Variants in ZKSCAN5 observed in about 807,000 individuals in gnomAD.
ZKSCAN5 encodes zinc finger with KRAB and SCAN domains 5, also known as zinc finger protein with KRAB and SCAN domains 5.
A neutral mutation model predicts 60.0 loss-of-function variants in ZKSCAN5; 28 were observed. The observed-to-expected ratio is 0.47, with a 90% CI of 0.35 to 0.64. The LOEUF (loss-of-function observed/expected upper bound fraction) is 0.64. Ranked by LOEUF, ZKSCAN5 falls within the 30% of genes least tolerant of loss-of-function variation. The probability of loss-of-function intolerance (pLI) is 0.01; values close to 1 mark genes in which losing one functional copy is unlikely to be tolerated. For missense variants in ZKSCAN5, 881 were observed against 1,034.6 expected (o/e 0.85, Z 2.04); for synonymous variants, 361 against 371.2 (o/e 0.97, Z 0.31).
intron 2 of ZKSCAN5, among the ~76,000 whole-genome samples, chr7:99,511,114 T>C (rs554376548): frequency 5.5e-4 from 83 of 152,266 alleles, no homozygotes; most frequent in African/African-American, 2.0e-3. Context: ...AAAAAAGTGC[T>C]TTGAAATGTA....
Position 99,533,573 on chromosome 7 carries a change from G to A in ZKSCAN5, c.*1324G>A, listed in dbSNP as rs1802146193. 5 of 412,526 alleles carry A rather than the reference G, an allele frequency of 1.2e-5. No homozygotes were observed. The East Asian group carries it at 1.4e-4, about 11-fold the overall frequency. The allele number at this position is 412,526 out of a possible 1,614,324, so 25.6% of individuals were successfully genotyped here. A position where few individuals can be genotyped will look rare whatever the true frequency, so the allele number is the denominator to read the frequency against. ...TCACAGCTCTTGTTCTCCAGAAACT[G>A]GAGAATTGCCCTCAGGAGATGAGAG... is the stretch of plus-strand genomic sequence containing the variant. On this transcript the variant is annotated 3_prime_UTR_variant, in exon 7 of 7. Coordinates refer to ENST00000326775, the MANE Select transcript of ZKSCAN5 (RefSeq NM_145102.4).
chr7:99,512,432 G>A (rs972087076), intron 2 of ZKSCAN5, 21 bp from the exon 3 acceptor site: 37 of 1,611,216 alleles, frequency 2.3e-5, no homozygotes, highest in Admixed American at 3.4e-5. Context: ...TGTACTGATC[G>A]GTTTTGGTTG....
At chr7:99,522,239 A>G (rs1801567256) in intron 5 of ZKSCAN5, among the ~76,000 whole-genome samples, 3 of 152,296 alleles carry the variant, frequency 2.0e-5, no homozygotes, top group East Asian at 1.9e-4. Context: ...CAAAGAAAGT[A>G]CCCATCAGAT....
In ZKSCAN5 at chr7:99,532,396, C is replaced by T; in HGVS notation, c.*147C>T. 1.5e-6 allele frequency: 1 copy of T among 658,782 alleles called. No homozygotes were observed. The highest frequency in any genetic ancestry group is 2.4e-6 in the Non-Finnish European group (1 of 424,268). The allele number at this position is 658,782 out of a possible 1,614,324, so 40.8% of individuals were successfully genotyped here. On this transcript the variant is annotated 3_prime_UTR_variant, in exon 7 of 7. Transcript: ENST00000326775. ...TTAGTTATAACTCAGCCTTTAGGAA[C>T]ACCGGAGAACCCACAATAATAGAAA...
Position 99,526,157 on chromosome 7 carries a change from C to T in ZKSCAN5, c.1117C>T (p.Pro373Ser). The part of the protein sequence containing the change: ...QHRRIHTGEK[P>S]FKCGECGKSY... ...TCGGCGCATCCACACTGGAGAAAAA[C>T]CGTTTAAGTGCGGAGAATGTGGGAA... is the stretch of plus-strand genomic sequence containing the variant. The change falls in exon 6 of 7, where the codon CCG (proline) becomes TCG (serine). Residue 373 changes from proline (P) to serine (S), a missense_variant. Physicochemically the swap from Pro to Ser is moderately conservative, Grantham distance 74 (BLOSUM62 -1). Transcript: ENST00000326775. 6.2e-7 allele frequency: 1 copy of T among 1,614,218 alleles called. No homozygotes were observed. Among genetic ancestry groups the T allele is most frequent in the Non-Finnish European group, 8.5e-7 (1 of 1,180,048 alleles).
chr7:99,526,175 T>C lies in ZKSCAN5; in HGVS notation c.1135T>C (p.Cys379Arg). The part of the protein sequence containing the change: ...TGEKPFKCGE[C>R]GKSYNQRVHL... ...AGAAAAACCGTTTAAGTGCGGAGAA[T>C]GTGGGAAGAGCTACAATCAGCGGGT... The change falls in exon 6 of 7, where the codon TGT (cysteine) becomes CGT (arginine). Residue 379 changes from cysteine to arginine, a missense_variant. Cys to Arg is a radical substitution (Grantham distance 180, BLOSUM62 -3). Coordinates refer to ENST00000326775, the MANE Select transcript of ZKSCAN5 (RefSeq NM_145102.4). 1.2e-6 allele frequency: 2 copies of C among 1,614,180 alleles called. No homozygotes were observed. Among genetic ancestry groups the C allele is most frequent in the Non-Finnish European group, 1.7e-6 (2 of 1,180,034 alleles).
At position 99,525,123 on chromosome 7, in the gene ZKSCAN5, G is replaced by A. The variant is rs183774807; in HGVS notation, c.773-690G>A. ...AGAGGTTGCAGTCAGCCGAGATCGC[G>A]CCACTGCACTCCAGCCTGGGTGGCA... On this transcript the variant is annotated intron_variant, in intron 5 of 6. Coordinates refer to ENST00000326775, the MANE Select transcript of ZKSCAN5 (RefSeq NM_145102.4). Among the ~76,000 whole-genome samples the A allele has an allele frequency of 4.4e-4, 66 of 150,836 alleles. No individual in the cohort carries two copies. The East Asian group carries it at 0.012, about 26-fold the overall frequency.
Position 99,531,612 on chromosome 7 carries a change from G to T in ZKSCAN5, c.1883G>T (p.Ser628Ile). Residue 628 changes from serine to isoleucine, a missense_variant, in exon 7 of 7, where the codon AGT becomes ATT. This residue lies in a region of ZKSCAN5 where 112 missense variants were observed against 182.4 expected (regional missense o/e 0.61). Transcript: ENST00000326775. ...CTTGTTCAGCATCAGAGCGTGCACA[G>T]TGGGGAGAGACCCTTCAAGTGTAAC... is the stretch of plus-strand genomic sequence containing the variant. Reference protein sequence around the residue: ...SHLVQHQSVHSGERPFKCNEC... With the variant: ...SHLVQHQSVHIGERPFKCNEC... The T allele has an allele frequency of 6.2e-7, 1 of 1,614,216 alleles. No homozygotes were observed. Among genetic ancestry groups the T allele is most frequent in the Non-Finnish European group, 8.5e-7 (1 of 1,180,044 alleles).
At chr7:99,522,390 A>G (rs1801575385) in intron 5 of ZKSCAN5, among the ~76,000 whole-genome samples, 1 of 152,152 alleles carries the variant, frequency 6.6e-6, no homozygotes, top group Non-Finnish European at 1.5e-5. Context: ...ATTGTAGATG[A>G]ATGTAAGGAC....
intron 2 of ZKSCAN5, among the ~76,000 whole-genome samples, chr7:99,510,514 G>A (rs927931842): frequency 6.6e-5 from 10 of 151,456 alleles, no homozygotes; most frequent in Non-Finnish European, 4.4e-5. Context: ...GCACGATCTC[G>A]GCTCACTGCA....
chr7:99,526,332 G>A lies in ZKSCAN5; in HGVS notation c.1292G>A (p.Gly431Asp), dbSNP rs775151553. The A allele has an allele frequency of 6.2e-7, 1 of 1,609,342 alleles. No individual in the cohort carries two copies. Among genetic ancestry groups the A allele is most frequent in the Non-Finnish European group, 8.5e-7 (1 of 1,180,024 alleles). The change falls in exon 6 of 7, where the codon GGC (glycine) becomes GAC (aspartate). Residue 431 changes from glycine to aspartate, a missense_variant. This residue lies in a region of ZKSCAN5 where 490 missense variants were observed against 554.5 expected (regional missense o/e 0.88). Coordinates refer to ENST00000326775, the MANE Select transcript of ZKSCAN5 (RefSeq NM_145102.4). ...HSVHSGERPY[G>D]CNECGKNFGR... ...GTCCACAGCGGAGAGAGGCCCTATG[G>A]CTGCAATGAGTGTGGGAAGAACTTC...
intron 2 of ZKSCAN5, among the ~76,000 whole-genome samples, chr7:99,509,702 G>A (rs1025173158): frequency 4.6e-5 from 7 of 151,980 alleles, no homozygotes; most frequent in Non-Finnish European, 1.0e-4. Context: ...TCCTGACTTC[G>A]TGATCTGCCC....
intron 2 of ZKSCAN5, among the ~76,000 whole-genome samples, chr7:99,510,335 T>C (rs1800961401): frequency 6.6e-6 from 1 of 152,044 alleles, no homozygotes; most frequent in South Asian, 2.1e-4. Context: ...TGCCTCCGGG[T>C]TGATTCTCCT....
At position 99,534,018 on chromosome 7, in the gene ZKSCAN5, T is replaced by C. The variant is rs1291078664; in HGVS notation, c.*1769T>C. ...GTCCAGTCACTAAGTCATTCACTTG[T>C]GGGGAACTGGGATGAGATACAGGTG... On this transcript the variant is annotated 3_prime_UTR_variant, in exon 7 of 7. Transcript: ENST00000326775. 5.9e-6 allele frequency: 1 copy of C among 170,014 alleles called. No homozygotes were observed. The highest frequency in any genetic ancestry group is 2.4e-5 in the African/African-American group (1 of 42,182). 10.5% of individuals were successfully genotyped at this position (170,014 alleles called of 1,614,324 possible).
intron 5 of ZKSCAN5, among the ~76,000 whole-genome samples, chr7:99,525,336 G>A: frequency 6.6e-6 from 1 of 151,678 alleles, no homozygotes; most frequent in East Asian, 1.9e-4. Context: ...GCTGAGCATG[G>A]TGGTGTGCAA....
rs527493885 is a variant in ZKSCAN5 at position 99,511,553 on chromosome 7, G to A, written c.415-900G>A. Among the ~76,000 whole-genome samples the A allele has an allele frequency of 1.1e-4, 16 of 150,634 alleles. 1 individual carries two copies. The South Asian group carries it at 2.5e-3, about 24-fold the overall frequency. On this transcript the variant is annotated intron_variant, in intron 2 of 6. Coordinates refer to ENST00000326775, the MANE Select transcript of ZKSCAN5 (RefSeq NM_145102.4). ...GACCTCCTGGGCTCAAGCGATCCTCGCACCTCAGCCTCCTAAGTAGCTGGG... is the reference window on the plus strand; with the variant it reads ...GACCTCCTGGGCTCAAGCGATCCTCACACCTCAGCCTCCTAAGTAGCTGGG...
chr7:99,518,876 A>G (rs1381952963), intron 3 of ZKSCAN5, among the ~76,000 whole-genome samples: 3 of 151,342 alleles, frequency 2.0e-5, no homozygotes, highest in Non-Finnish European at 4.4e-5. Flanking sequence ...AGGTTTCACC[A>G]TATTGGCCAG....
In ZKSCAN5 at chr7:99,533,763, T is replaced by C. The variant is rs1802152508; in HGVS notation, c.*1514T>C. ...CATCCGTGCTAAGCTCTCTCCCTTC[T>C]CTATCCTGTTTCATTCCCTCCCTCA... is the stretch of plus-strand genomic sequence containing the variant. On this transcript the variant is annotated 3_prime_UTR_variant, in exon 7 of 7. Transcript: ENST00000326775. The C allele has an allele frequency of 7.5e-6, 3 of 397,792 alleles. No homozygotes were observed. The East Asian group carries it at 1.1e-4, about 14-fold the overall frequency. 24.6% of individuals were successfully genotyped at this position (397,792 alleles called of 1,614,324 possible).
intron 3 of ZKSCAN5, among the ~76,000 whole-genome samples, chr7:99,517,430 C>T (rs1190139365): frequency 6.6e-6 from 1 of 151,932 alleles, no homozygotes; most frequent in East Asian, 2.0e-4. Context: ...CCTGTAATCC[C>T]AGCACTTTAG....
Sources: allele counts gnomAD v4.1 joint callset (sites outside exome capture counted in the v4.1 genomes callset), GRCh38; gene constraint gnomAD v4.1.1; regional missense constraint gnomAD v4.1.1; transcripts MANE v1.5; gene names NCBI Gene and HGNC (gene_info 2026-07-23, HGNC 2026-07-21).